Variants in MSH3 observed in about 807,000 individuals in gnomAD.
The protein encoded by MSH3 is DNA mismatch repair protein Msh3.
MSH3 carries 106 observed loss-of-function variants against 123.3 expected under a neutral mutation model. The observed-to-expected ratio is 0.86, with a 90% CI of 0.73 to 1.01. The LOEUF is 1.01. MSH3 is among the 50% of genes least tolerant of loss of function. The pLI, the probability that MSH3 is intolerant of heterozygous loss-of-function variation, is 0.00. For missense variants in MSH3, 1,459 were observed against 1,347.6 expected (o/e 1.08, Z -1.29); for synonymous variants, 515 against 481.4 (o/e 1.07, Z -0.91).
chr5:80,800,292 C>G (rs1046782227), intron 19 of MSH3, among the ~76,000 whole-genome samples: 2 of 152,178 alleles, frequency 1.3e-5, no homozygotes, highest in Non-Finnish European at 2.9e-5. Context: ...AGAACTTGCT[C>G]TGTGTGTGGC....
At chr5:80,822,410 T>A (rs564688971) in intron 20 of MSH3, among the ~76,000 whole-genome samples, 2 of 152,324 alleles carry the variant, frequency 1.3e-5, no homozygotes, top group African/African-American at 4.8e-5. Context: ...CCAGACACAT[T>A]GTAGGTACCT....
intron 17 of MSH3, among the ~76,000 whole-genome samples, chr5:80,784,196 C>T (rs1744458456): frequency 9.7e-6 from 1 of 103,490 alleles, no homozygotes; most frequent in Non-Finnish European, 1.7e-5. Flanking sequence ...GGCGAAAGAG[C>T]GAGACTACTA....
chr5:80,772,323 A>G (rs1450799460), intron 15 of MSH3, among the ~76,000 whole-genome samples: 1 of 152,234 alleles, frequency 6.6e-6, no homozygotes, highest in Non-Finnish European at 1.5e-5. Context: ...TTTAAAATAT[A>G]GTAAAACATC....
At chr5:80,871,466 A>G (rs1028818892) in intron 22 of MSH3, among the ~76,000 whole-genome samples, 3 of 152,204 alleles carry the variant, frequency 2.0e-5, no homozygotes, top group Non-Finnish European at 4.4e-5. Flanking sequence ...TCACAGGGCT[A>G]CAGTCAGTCA....
intron 10 of MSH3, among the ~76,000 whole-genome samples, chr5:80,736,131 C>T (rs542636644): frequency 6.6e-5 from 10 of 152,046 alleles, no homozygotes; most frequent in African/African-American, 2.4e-4. Context: ...GAGGCTGAGG[C>T]GGGAGAATTG....
chr5:80,817,554 T>C (rs2112060010), intron 20 of MSH3, among the ~76,000 whole-genome samples: 1 of 152,318 alleles, frequency 6.6e-6, no homozygotes, highest in South Asian at 2.1e-4. Flanking sequence ...CAAGAATTTA[T>C]TATTCTAAAA....
At chr5:80,738,458 A>G (rs189763435) in intron 10 of MSH3, among the ~76,000 whole-genome samples, 1 of 152,304 alleles carries the variant, frequency 6.6e-6, no homozygotes, top group Non-Finnish European at 1.5e-5. Flanking sequence ...GAGTCAGGGA[A>G]CAAACCCTGA....
At chr5:80,749,900 A>G (rs879793479) in intron 12 of MSH3, among the ~76,000 whole-genome samples, 6 of 152,012 alleles carry the variant, frequency 3.9e-5, no homozygotes, top group Non-Finnish European at 7.4e-5. Flanking sequence ...ATGACCACCA[A>G]TCTGATCTCT....
chr5:80,728,778 CTGTT>C, intron 9 of MSH3, 69 bp from the exon 10 acceptor site: 1 of 803,350 alleles, frequency 1.2e-6, no homozygotes, highest in Non-Finnish European at 2.1e-6. Context: ...GTTAATGGTT[CTGTT>C]TATTACATTT....
intron 10 of MSH3, among the ~76,000 whole-genome samples, chr5:80,734,669 A>G (rs1195635362): frequency 1.3e-5 from 2 of 151,830 alleles, no homozygotes; most frequent in East Asian, 1.9e-4. Flanking sequence ...GTTCACTACT[A>G]TTTTCTGGTA....
At chr5:80,810,168 C>CATATATATATATATAT (rs1461060092) in intron 19 of MSH3, among the ~76,000 whole-genome samples, 7 of 32,034 alleles carry the variant, frequency 2.2e-4, no homozygotes, top group African/African-American at 5.6e-4. Flanking sequence ...TTTTGTTTGA[C>CATATATATATATATAT]ATACATATAT....
intron 10 of MSH3, among the ~76,000 whole-genome samples, chr5:80,730,995 T>A (rs1328530197): frequency 6.6e-6 from 1 of 150,452 alleles, no homozygotes; most frequent in Non-Finnish European, 1.5e-5. Context: ...TTCCGCCTCC[T>A]GGGTTCAAGC....
Position 80,768,951 on chromosome 5 carries a change from G to A in MSH3, c.2201G>A (p.Arg734Gln), listed in dbSNP as rs1261908217. 2 of 1,612,944 alleles carry A rather than the reference G, an allele frequency of 1.2e-6. No homozygotes were observed. Among genetic ancestry groups the A allele is most frequent in the East Asian group, 2.2e-5 (1 of 44,730 alleles). The change falls in exon 15 of 24, where the codon CGA becomes CAA. Residue 734 changes from arginine to glutamine, a missense_variant. Transcript: ENST00000265081. ...DEIRMHLQEI[R>Q]KILKNPSAQY... Reference sequence around the variant, plus strand: ...ATCCGAATGCATTTGCAAGAAATACGAAAAATACTAAAAAATCCTTCTGCA... The same window carrying A: ...ATCCGAATGCATTTGCAAGAAATACAAAAAATACTAAAAAATCCTTCTGCA...
chr5:80,682,028 TTGC>T (rs1302046925), intron 8 of MSH3, among the ~76,000 whole-genome samples: 1 of 152,266 alleles, frequency 6.6e-6, no homozygotes, highest in Non-Finnish European at 1.5e-5. Context: ...TTTTCAATCT[TTGC>T]ACTTTTTTTT....
At chr5:80,824,180 A>C (rs975007725) in intron 20 of MSH3, among the ~76,000 whole-genome samples, 2 of 152,214 alleles carry the variant, frequency 1.3e-5, no homozygotes, top group Admixed American at 6.5e-5. Flanking sequence ...CGCCATCGTC[A>C]TCATGGCCCA....
chr5:80,781,494 T>G (rs1259422324), intron 17 of MSH3, among the ~76,000 whole-genome samples: 1 of 145,072 alleles, frequency 6.9e-6, no homozygotes, highest in Non-Finnish European at 1.5e-5. Flanking sequence ...TTTTTTTTTT[T>G]CCTCGCTCTG....
intron 15 of MSH3, among the ~76,000 whole-genome samples, chr5:80,772,038 G>A (rs1744222267): frequency 6.6e-6 from 1 of 152,094 alleles, no homozygotes; most frequent in African/African-American, 2.4e-5. Context: ...AGTTTACATA[G>A]TTTACTGCTT....
intron 3 of MSH3, among the ~76,000 whole-genome samples, chr5:80,668,516 C>G (rs539223757): frequency 6.6e-6 from 1 of 152,150 alleles, no homozygotes; most frequent in African/African-American, 2.4e-5. Context: ...CAGAGGGGGC[C>G]GAGGCAGCAG....
rs1361537135 is a variant in MSH3, at chr5:80,840,825, A to G, written c.2814-13305A>G. On this transcript the variant is annotated intron_variant, in intron 20 of 23. Transcript: ENST00000265081. ...TGTTCTCATTGTTCAACACCCACCT[A>G]TGAGTGAGAACATGCAGTATTTGGC... 3.3e-5 allele frequency among the ~76,000 whole-genome samples: 5 copies of G among 150,638 alleles called. No individual in the cohort carries two copies. In the East Asian group the frequency reaches 5.9e-4, roughly 18 times the overall value.
Sources: allele counts gnomAD v4.1 joint callset (sites outside exome capture counted in the v4.1 genomes callset), GRCh38; gene constraint gnomAD v4.1.1; transcripts MANE v1.5; gene names NCBI Gene and HGNC (gene_info 2026-07-23, HGNC 2026-07-21).